ZFAT: variants seen among roughly 807,000 people sequenced by gnomAD.
ZFAT encodes the protein zinc finger protein ZFAT.
Under a neutral mutation model 117.7 loss-of-function variants are expected in ZFAT, and 64 were observed. The observed-to-expected ratio is 0.54, with a 90% CI of 0.44 to 0.67. ZFAT has a LOEUF of 0.67. ZFAT is among the 30% of genes least tolerant of loss of function. ZFAT has a pLI of 0.00. For synonymous variants in ZFAT, 679 were observed against 615.0 expected, an observed-to-expected ratio of 1.10 and a Z score of -1.54; for missense variants, 1,433 against 1,584.5, an observed-to-expected ratio of 0.90 and a Z score of 1.62.
chr8:134,492,756 A>G (rs534633624), intron 15 of ZFAT, among the ~76,000 whole-genome samples: 1 of 152,384 alleles, frequency 6.6e-6, no homozygotes, highest in Admixed American at 6.5e-5. Context: ...TATAGAGGAA[A>G]GAAAATGCAT....
chr8:134,593,770 G>A (rs1200323332), intron 7 of ZFAT, among the ~76,000 whole-genome samples: 3 of 152,188 alleles, frequency 2.0e-5, no homozygotes, highest in Non-Finnish European at 4.4e-5. Context: ...AGGAATAAAG[G>A]CCACAGTTAT....
At chr8:134,742,959 C>T in the ZFAT span, among the ~76,000 whole-genome samples, 3 of 152,226 alleles carry the variant, frequency 2.0e-5, no homozygotes, top group Admixed American at 2.0e-4. Flanking sequence ...CCCAAGTGTG[C>T]CTCTGTCTCA....
chr8:134,591,251 A>G (rs1054764373), intron 7 of ZFAT, among the ~76,000 whole-genome samples: 1 of 152,236 alleles, frequency 6.6e-6, no homozygotes, highest in South Asian at 2.1e-4. Context: ...AGATAAGCCC[A>G]AAGTCTGAGA....
chr8:134,721,322 C>T, the ZFAT span, among the ~76,000 whole-genome samples: 2 of 152,234 alleles, frequency 1.3e-5, no homozygotes, highest in South Asian at 4.1e-4. Context: ...TTTCCTTCTA[C>T]CAGTGCCAAC....
chr8:134,627,433 T>C (rs1829591466), intron 3 of ZFAT, among the ~76,000 whole-genome samples: 1 of 152,204 alleles, frequency 6.6e-6, no homozygotes, highest in Non-Finnish European at 1.5e-5. Flanking sequence ...GTAACTTCCA[T>C]ACATAACCCT....
At chr8:134,543,365 C>G (rs759581425) in intron 11 of ZFAT, among the ~76,000 whole-genome samples, 7 of 152,278 alleles carry the variant, frequency 4.6e-5, no homozygotes, top group Non-Finnish European at 8.8e-5. Context: ...GATAGTCAGC[C>G]AGGCACATGC....
At chr8:134,671,831 A>G (rs1285889591) in intron 1 of ZFAT, among the ~76,000 whole-genome samples, 2 of 152,224 alleles carry the variant, frequency 1.3e-5, no homozygotes, top group Non-Finnish European at 2.9e-5. Flanking sequence ...TTTGCAGATG[A>G]CATGATTGTA....
chr8:134,549,615 T>C (rs1006993836), intron 11 of ZFAT, among the ~76,000 whole-genome samples: 20 of 152,102 alleles, frequency 1.3e-4, no homozygotes, highest in African/African-American at 4.8e-4. Context: ...TACTGGGCAG[T>C]GGGCAACTCA....
At chr8:134,742,827 T>C in the ZFAT span, among the ~76,000 whole-genome samples, 1 of 152,206 alleles carries the variant, frequency 6.6e-6, no homozygotes, top group Non-Finnish European at 1.5e-5. Context: ...CTCTCCACTC[T>C]GGCCCTGAGT....
At chr8:134,653,275 A>T (rs1831377526) in intron 2 of ZFAT, among the ~76,000 whole-genome samples, 1 of 130,410 alleles carries the variant, frequency 7.7e-6, no homozygotes, top group African/African-American at 2.9e-5. Flanking sequence ...TTTTTTAAAA[A>T]AAAAAAAAAA....
At chr8:134,817,423 ACACACACACACAC>A in the ZFAT span, among the ~76,000 whole-genome samples, 11 of 117,180 alleles carry the variant, frequency 9.4e-5, no homozygotes, top group African/African-American at 1.7e-4. Context: ...ACACACACAC[ACACACACACACAC>A]AACGCACCCT....
Position 134,512,544 on chromosome 8 carries a change from C to A in ZFAT, c.3292G>T (p.Glu1098Ter), listed in dbSNP as rs201541507. 4 of 1,613,972 alleles carry A rather than the reference C, an allele frequency of 2.5e-6. No homozygotes were observed. The highest frequency in any genetic ancestry group is 3.4e-6 in the Non-Finnish European group (4 of 1,179,872). ...STQYLHITEA[E>*]EDVQGTQAAV... is the part of the protein sequence containing the mutation. ...GCCTGTGTCCCTTGAACGTCTTCTTCGGCCTCTGTGATGTGGAGATACTGG... is the reference window on the plus strand; with the variant it reads ...GCCTGTGTCCCTTGAACGTCTTCTTAGGCCTCTGTGATGTGGAGATACTGG... The change falls in exon 14 of 16, where the codon GAA (glutamate) becomes TAA (stop). Residue 1098 changes from glutamate to a stop codon, truncating the protein, a stop_gained. Coordinates refer to ENST00000377838, the MANE Select transcript of ZFAT (RefSeq NM_020863.4). LOFTEE classifies it high-confidence loss of function.
the ZFAT span, among the ~76,000 whole-genome samples, chr8:134,761,443 T>C: frequency 6.6e-6 from 1 of 151,914 alleles, no homozygotes; most frequent in Admixed American, 6.6e-5. Context: ...GGCTCACACC[T>C]GTAATTCCAG....
chr8:134,694,445 G>C (rs965213018), intron 1 of ZFAT, among the ~76,000 whole-genome samples: 2 of 152,168 alleles, frequency 1.3e-5, no homozygotes, highest in South Asian at 4.1e-4. Context: ...TAACACTCAG[G>C]AGACTGAGTG....
chr8:134,539,422 G>T (rs1302857518), intron 11 of ZFAT, among the ~76,000 whole-genome samples: 1 of 152,234 alleles, frequency 6.6e-6, no homozygotes, highest in Non-Finnish European at 1.5e-5. Flanking sequence ...AAGGCTCAAA[G>T]ATCAGATGTG....
chr8:134,751,872 A>G, the ZFAT span, among the ~76,000 whole-genome samples: 2,415 of 152,366 alleles, frequency 0.016, 64 homozygotes, highest in African/African-American at 0.056. Flanking sequence ...TTCAAAGCCC[A>G]GTGCTACAGA....
chr8:134,532,214 G>A (rs1563815355), intron 12 of ZFAT, among the ~76,000 whole-genome samples: 1 of 152,154 alleles, frequency 6.6e-6, no homozygotes, highest in East Asian at 1.9e-4. Context: ...TAGTTTAAAT[G>A]TTCTAGAATG....
chr8:134,799,405 AG>A, the ZFAT span, among the ~76,000 whole-genome samples: 1 of 152,256 alleles, frequency 6.6e-6, no homozygotes, highest in Admixed American at 6.5e-5. Context: ...CACCAAAAAA[AG>A]AAAAGGCAGG....
At chr8:134,619,438 G>A (rs771413222) in intron 3 of ZFAT, among the ~76,000 whole-genome samples, 2 of 152,150 alleles carry the variant, frequency 1.3e-5, no homozygotes, top group Non-Finnish European at 2.9e-5. Context: ...AGCTCTGTCT[G>A]ATCTAACAAA....
Sources: gnomAD v4.1 joint callset for allele counts (sites outside exome capture counted in the v4.1 genomes callset) on GRCh38, gnomAD v4.1.1 for gene constraint, MANE v1.5 for transcripts, NCBI Gene and HGNC (gene_info 2026-07-23, HGNC 2026-07-21) for gene names.